Variants in FHIT observed in about 807,000 individuals in gnomAD.
The protein encoded by FHIT is fragile histidine triad diadenosine triphosphatase.
In FHIT, 19 loss-of-function variants were observed where a neutral mutation model predicts 17.9. The observed-to-expected ratio is 1.06, with a 90% CI of 0.74 to 1.56. FHIT has a LOEUF of 1.56. Among genes scored for constraint, FHIT ranks in the 40% most tolerant of loss-of-function variants. The pLI is 0.00. For missense variants in FHIT, 248 were observed against 189.2 expected (o/e 1.31, Z -1.82); for synonymous variants, 81 against 69.7 (o/e 1.16, Z -0.81).
rs533529651 is a variant in FHIT at position 60,167,803 on chromosome 3, G to C, written c.104-153651C>G. ...TAATCCCAGCACTTTGGGAGGCTAA[G>C]GCAGATCAGTTGAGCTCAGGAATTT... On this transcript the variant is annotated intron_variant, in intron 5 of 9. Transcript: ENST00000492590. Among the ~76,000 whole-genome samples the C allele has an allele frequency of 2.3e-3, 349 of 152,308 alleles. 1 individual carries two copies. The highest frequency in any genetic ancestry group is 8.1e-3 in the African/African-American group (336 of 41,572).
intron 8 of FHIT, among the ~76,000 whole-genome samples, chr3:59,772,431 C>T (rs1702114100): frequency 6.6e-6 from 1 of 152,212 alleles, no homozygotes; most frequent in South Asian, 2.1e-4. Context: ...TGTGTGCAAA[C>T]ACTGTTTTAA....
chr3:60,587,967 T>C (rs1403879230), intron 4 of FHIT, among the ~76,000 whole-genome samples: 4 of 151,732 alleles, frequency 2.6e-5, no homozygotes, highest in South Asian at 2.1e-4. Flanking sequence ...CTTTTTTTTT[T>C]CCCTTCCACC....
At chr3:61,047,676 C>T (rs1449099312) in intron 2 of FHIT, among the ~76,000 whole-genome samples, 3 of 152,180 alleles carry the variant, frequency 2.0e-5, no homozygotes, top group African/African-American at 7.2e-5. Context: ...ATTGCTAAGT[C>T]AATCCTAAGC....
intron 5 of FHIT, among the ~76,000 whole-genome samples, chr3:60,374,488 A>G (rs1205677776): frequency 6.6e-6 from 1 of 151,700 alleles, no homozygotes; most frequent in African/African-American, 2.4e-5. Context: ...AAAACACGTT[A>G]ATGTGAATTA....
At chr3:59,871,551 T>C (rs1195279279) in intron 8 of FHIT, among the ~76,000 whole-genome samples, 3 of 151,260 alleles carry the variant, frequency 2.0e-5, no homozygotes, top group Admixed American at 6.6e-5. Context: ...TAAGCTCACA[T>C]AATAAGTTTT....
chr3:60,394,359 GC>G, intron 5 of FHIT, among the ~76,000 whole-genome samples: 1 of 152,152 alleles, frequency 6.6e-6, no homozygotes, highest in East Asian at 1.9e-4. Flanking sequence ...TAGGCAGCAT[GC>G]CCTGCCTCTC....
intron 5 of FHIT, among the ~76,000 whole-genome samples, chr3:60,233,909 G>T (rs1353651689): frequency 3.9e-5 from 6 of 152,100 alleles, no homozygotes; most frequent in African/African-American, 1.4e-4. Flanking sequence ...TGCCATGAGT[G>T]TGAGGCCTCC....
rs751827710 is a variant in FHIT, at chr3:60,308,693, A to G, written c.103+228167T>C. Among the ~76,000 whole-genome samples, 59 of 152,080 alleles carry G rather than the reference A, an allele frequency of 3.9e-4. 2 individuals carry two copies. Among genetic ancestry groups the G allele is most frequent in the Admixed American group, 3.9e-3 (59 of 15,252 alleles). Reference sequence around the variant, plus strand: ...ACACAACATTGTTTTAAGAATTGAGATAATGCATATGAAATGTTCAGCATA... The same window carrying G: ...ACACAACATTGTTTTAAGAATTGAGGTAATGCATATGAAATGTTCAGCATA... On this transcript the variant is annotated intron_variant, in intron 5 of 9. Coordinates refer to ENST00000492590, the MANE Select transcript of FHIT (RefSeq NM_002012.4).
intron 5 of FHIT, among the ~76,000 whole-genome samples, chr3:60,172,811 C>A (rs1701480136): frequency 6.6e-6 from 1 of 152,064 alleles, no homozygotes; most frequent in African/African-American, 2.4e-5. Context: ...GGTCTTCTGT[C>A]TACTAGTAAT....
At chr3:60,027,739 T>G (rs1393061087) in intron 5 of FHIT, among the ~76,000 whole-genome samples, 1 of 146,436 alleles carries the variant, frequency 6.8e-6, no homozygotes, top group Non-Finnish European at 1.5e-5. Flanking sequence ...AAAAAAAGAA[T>G]AATTCAGATT....
chr3:60,502,932 G>A lies in FHIT; in HGVS notation c.103+33928C>T, dbSNP rs376445518. Among the ~76,000 whole-genome samples, 5 of 152,308 alleles carry A rather than the reference G, an allele frequency of 3.3e-5. No individual in the cohort carries two copies. The East Asian group carries it at 9.6e-4, about 29-fold the overall frequency. ...AGAACTTAGTTACTCCTATTTAGATGGTGACTGTGACACATTAGTAATACT... is the reference window on the plus strand; with the variant it reads ...AGAACTTAGTTACTCCTATTTAGATAGTGACTGTGACACATTAGTAATACT... On this transcript the variant is annotated intron_variant, in intron 5 of 9. Coordinates refer to ENST00000492590, the MANE Select transcript of FHIT (RefSeq NM_002012.4).
chr3:60,564,595 G>A (rs1374239300), intron 4 of FHIT, among the ~76,000 whole-genome samples: 3 of 152,138 alleles, frequency 2.0e-5, no homozygotes, highest in Non-Finnish European at 4.4e-5. Context: ...AGAAGAAGTT[G>A]ATTCCAGCCC....
chr3:60,670,659 C>T (rs967166040), intron 4 of FHIT, among the ~76,000 whole-genome samples: 1 of 152,118 alleles, frequency 6.6e-6, no homozygotes, highest in African/African-American at 2.4e-5. Context: ...AGAAGAAAAA[C>T]GAGTCCTAAT....
chr3:61,092,798 A>T (rs975973986), intron 2 of FHIT, among the ~76,000 whole-genome samples: 6 of 152,206 alleles, frequency 3.9e-5, no homozygotes, highest in African/African-American at 1.4e-4. Context: ...GTGGATGATG[A>T]TGTTTTAGTG....
intron 3 of FHIT, among the ~76,000 whole-genome samples, chr3:60,923,699 C>A (rs911385435): frequency 6.6e-6 from 1 of 152,088 alleles, no homozygotes; most frequent in South Asian, 2.1e-4. Context: ...TGAGGAGTGT[C>A]GGACAGTGGG....
chr3:59,914,426 A>C (rs1407268298), intron 8 of FHIT, among the ~76,000 whole-genome samples: 1 of 152,200 alleles, frequency 6.6e-6, no homozygotes, highest in Admixed American at 6.5e-5. Context: ...GGCAACTTGG[A>C]GGCCTTAGGA....
chr3:60,430,812 C>T (rs754665485), intron 5 of FHIT, among the ~76,000 whole-genome samples: 2 of 151,996 alleles, frequency 1.3e-5, no homozygotes, highest in African/African-American at 4.8e-5. Context: ...CTATTGCTTC[C>T]AGCAGTTTTC....
At chr3:60,190,131 T>C (rs1459921981) in intron 5 of FHIT, among the ~76,000 whole-genome samples, 1 of 152,176 alleles carries the variant, frequency 6.6e-6, no homozygotes, top group Non-Finnish European at 1.5e-5. Context: ...CCAGTTAAAA[T>C]ACCACAATCT....
At chr3:60,857,613 C>T (rs566116285) in intron 3 of FHIT, among the ~76,000 whole-genome samples, 15 of 152,188 alleles carry the variant, frequency 9.9e-5, no homozygotes, top group Non-Finnish European at 1.9e-4. Flanking sequence ...ATTGTTCTGC[C>T]CATCAACATC....
Sources: allele counts gnomAD v4.1 joint callset (sites outside exome capture counted in the v4.1 genomes callset), GRCh38; gene constraint gnomAD v4.1.1; transcripts MANE v1.5; gene names NCBI Gene and HGNC (gene_info 2026-07-23, HGNC 2026-07-21).